The following PTPRM variants were observed in gnomAD, a reference collection of about 807,000 sequenced individuals.
The protein encoded by PTPRM is protein tyrosine phosphatase receptor type M, also known as receptor-type tyrosine-protein phosphatase mu.
In PTPRM, 47 loss-of-function variants were observed where a neutral mutation model predicts 186.7. The ratio of observed to expected loss-of-function variants is 0.25; its 90% CI spans 0.20 to 0.32. The LOEUF is 0.32. Ranked by LOEUF, PTPRM falls within the 10% of genes least tolerant of loss-of-function variation. The pLI is 1.00. For missense variants in PTPRM, 1,494 were observed against 1,865.0 expected, an observed-to-expected ratio of 0.80 and a Z score of 3.66; for synonymous variants, 668 against 674.9, an observed-to-expected ratio of 0.99 and a Z score of 0.16.
At chr18:8,267,885 A>G (rs1038066173) in intron 19 of PTPRM, among the ~76,000 whole-genome samples, 1 of 152,156 alleles carries the variant, frequency 6.6e-6, no homozygotes, top group Non-Finnish European at 1.5e-5. Context: ...ACATGTCTTC[A>G]TATGTTTACT....
At chr18:8,240,618 G>GGAGAGAGAGAGAGAGAGAGAGAGAGA (rs372227037) in intron 14 of PTPRM, among the ~76,000 whole-genome samples, 1 of 34,800 alleles carries the variant, frequency 2.9e-5, no homozygotes, top group East Asian at 7.8e-4. Flanking sequence ...AGAGAGGGAG[G>GGAGAGAGAGAGAGAGAGAGAGAGAGA]GAGAGAGAGA....
intron 1 of PTPRM, among the ~76,000 whole-genome samples, chr18:7,703,081 C>A (rs12165086): frequency 0.043 from 6,579 of 152,146 alleles, 453 homozygotes; most frequent in African/African-American, 0.14. Context: ...GTTACTGTAG[C>A]CTTGTAGTAT....
rs139122162 is a variant in PTPRM at position 7,896,418 on chromosome 18, G to C, written c.468+8041G>C. Among the ~76,000 whole-genome samples, 91 of 152,270 alleles carry C rather than the reference G, an allele frequency of 6.0e-4. 1 individual carries two copies. Among genetic ancestry groups the C allele is most frequent in the African/African-American group, 2.1e-3 (89 of 41,572 alleles). ...GCCTCAGCTCCTACCCAGAATTTCA[G>C]CCTTCCTCTCTGCTTTCAGAAGACA... On this transcript the variant is annotated intron_variant, in intron 3 of 32. Coordinates refer to ENST00000580170, the MANE Select transcript of PTPRM (RefSeq NM_001105244.2).
chr18:8,302,698 G>A (rs1041044879), intron 20 of PTPRM, among the ~76,000 whole-genome samples: 1 of 152,066 alleles, frequency 6.6e-6, no homozygotes, highest in African/African-American at 2.4e-5. Context: ...GAGGAAGACA[G>A]AAGAGCCAGA....
intron 22 of PTPRM, among the ~76,000 whole-genome samples, chr18:8,334,642 A>G (rs1426684541): frequency 1.3e-5 from 2 of 152,230 alleles, no homozygotes; most frequent in African/African-American, 4.8e-5. Flanking sequence ...ATTATAAAAT[A>G]TGTTTAAACT....
At chr18:7,622,477 G>A (rs1446413668) in intron 1 of PTPRM, among the ~76,000 whole-genome samples, 1 of 151,924 alleles carries the variant, frequency 6.6e-6, no homozygotes, top group African/African-American at 2.4e-5. Context: ...TACCTGTTTT[G>A]TCCTTTCAAA....
At chr18:7,742,736 C>G (rs1279633069) in intron 1 of PTPRM, among the ~76,000 whole-genome samples, 1 of 152,096 alleles carries the variant, frequency 6.6e-6, no homozygotes. Context: ...TTCTGTAATT[C>G]TGCATAGCAG....
chr18:7,709,104 GT>G (rs2040158116), intron 1 of PTPRM, among the ~76,000 whole-genome samples: 1 of 152,026 alleles, frequency 6.6e-6, no homozygotes, highest in African/African-American at 2.4e-5. Flanking sequence ...CTCTAGGTAG[GT>G]TTAAAGCCTT....
At chr18:8,086,129 A>G (rs1204077519) in intron 10 of PTPRM, among the ~76,000 whole-genome samples, 1 of 152,140 alleles carries the variant, frequency 6.6e-6, no homozygotes, top group Admixed American at 6.6e-5. Context: ...ATGAGGCAGA[A>G]GGTTCTGTTG....
intron 26 of PTPRM, 31 bp from the exon 27 acceptor site, chr18:8,378,234 A>G (rs908480639): frequency 6.3e-7 from 1 of 1,579,936 alleles, no homozygotes; most frequent in African/African-American, 1.4e-5. Flanking sequence ...GGTTCTCTAA[A>G]GTTAGTAACT....
At chr18:7,808,980 G>A (rs964517722) in intron 2 of PTPRM, among the ~76,000 whole-genome samples, 1 of 152,164 alleles carries the variant, frequency 6.6e-6, no homozygotes, top group Non-Finnish European at 1.5e-5. Flanking sequence ...AATAACAGCT[G>A]CTGATTATGG....
intron 7 of PTPRM, among the ~76,000 whole-genome samples, chr18:8,053,454 T>C (rs950261100): frequency 6.6e-5 from 10 of 152,118 alleles, no homozygotes; most frequent in African/African-American, 2.4e-4. Flanking sequence ...CCACTTGTGT[T>C]TCCCCCAGGA....
chr18:7,590,843 A>G (rs950814911), intron 1 of PTPRM, among the ~76,000 whole-genome samples: 3 of 152,234 alleles, frequency 2.0e-5, no homozygotes, highest in African/African-American at 7.2e-5. Context: ...TAGTGGATTT[A>G]TTGGTATTTT....
At chr18:7,801,584 A>G (rs1259141361) in intron 2 of PTPRM, among the ~76,000 whole-genome samples, 1 of 152,238 alleles carries the variant, frequency 6.6e-6, no homozygotes. Context: ...ATAGTATAGC[A>G]AATTCATAAA....
intron 1 of PTPRM, among the ~76,000 whole-genome samples, chr18:7,645,398 C>T (rs796435692): frequency 2.0e-5 from 3 of 152,248 alleles, no homozygotes; most frequent in African/African-American, 7.2e-5. Flanking sequence ...GAATTTGATT[C>T]ATGACCCACC....
intron 1 of PTPRM, among the ~76,000 whole-genome samples, chr18:7,617,839 T>A (rs886142156): frequency 2.0e-5 from 3 of 152,154 alleles, no homozygotes; most frequent in Admixed American, 6.5e-5. Context: ...TTGAATACAT[T>A]GAGAGCATTT....
At chr18:8,197,050 GA>G (rs1204179502) in intron 14 of PTPRM, among the ~76,000 whole-genome samples, 3 of 152,200 alleles carry the variant, frequency 2.0e-5, no homozygotes, top group Non-Finnish European at 4.4e-5. Context: ...CAAGGTAAAG[GA>G]CAATATTTAA....
intron 20 of PTPRM, among the ~76,000 whole-genome samples, chr18:8,308,863 C>G (rs187676369): frequency 2.3e-4 from 35 of 152,346 alleles, no homozygotes; most frequent in Admixed American, 5.2e-4. Context: ...ATTTCATGTG[C>G]TCAGTAACTA....
intron 2 of PTPRM, among the ~76,000 whole-genome samples, chr18:7,852,049 A>G (rs2046886482): frequency 1.3e-5 from 2 of 152,204 alleles, no homozygotes; most frequent in Non-Finnish European, 2.9e-5. Flanking sequence ...AGAACAAGCT[A>G]CTGGCATGGA....
Sources: gnomAD v4.1 joint callset for allele counts (sites outside exome capture counted in the v4.1 genomes callset) on GRCh38, gnomAD v4.1.1 for gene constraint, MANE v1.5 for transcripts, NCBI Gene and HGNC (gene_info 2026-07-23, HGNC 2026-07-21) for gene names.